The following ADAMTSL2 variants were observed in gnomAD, a reference collection of about 807,000 sequenced individuals.
The protein encoded by ADAMTSL2 is ADAMTS like 2.
A neutral mutation model predicts 117.0 loss-of-function variants in ADAMTSL2; 55 were observed. The observed-to-expected ratio is 0.47, with a 90% confidence interval of 0.38 to 0.59. The LOEUF is 0.59. ADAMTSL2 is among the 20% of genes least tolerant of loss of function. The pLI is 0.00. For missense variants in ADAMTSL2, 1,182 were observed against 1,354.5 expected, an observed-to-expected ratio of 0.87 and a Z score of 2.00; for synonymous variants, 572 against 566.4, an observed-to-expected ratio of 1.01 and a Z score of -0.14.
At chr9:133,545,846 C>G (rs748678740) in intron 8 of ADAMTSL2, among the ~76,000 whole-genome samples, 4 of 152,076 alleles carry the variant, frequency 2.6e-5, no homozygotes, top group Admixed American at 2.0e-4. Context: ...GAAACAGGGC[C>G]GAGACAACCA....
intron 1 of ADAMTSL2, 75 bp from the exon 2 acceptor site, chr9:133,536,488 A>G (rs1026174994): frequency 6.7e-7 from 1 of 1,483,488 alleles, no homozygotes; most frequent in African/African-American, 1.4e-5. Context: ...TGCCTGAAGC[A>G]GGCATTACTA....
rs376297294 is a variant in ADAMTSL2, at chr9:133,538,373, G to C, written c.258G>C (p.Gly86=). 76 of 1,613,238 alleles carry C rather than the reference G, an allele frequency of 4.7e-5. No individual in the cohort carries two copies. Among genetic ancestry groups the C allele is most frequent in the Middle Eastern group, 1.6e-4 (1 of 6,084 alleles). The change falls in exon 4 of 19, where the codon GGG becomes GGC. Residue 86 remains glycine (G), a synonymous_variant. Coordinates refer to ENST00000651351, the MANE Select transcript of ADAMTSL2 (RefSeq NM_014694.4). ...QQRRKSVPGP[G]NRTCTGTSKR... is the part of the protein sequence containing the mutation. ...GGAGGAAGTCCGTCCCGGGCCCCGG[G>C]AACAGGACCTGCACGGGCACGTCCA...
intron 1 of ADAMTSL2, among the ~76,000 whole-genome samples, chr9:133,535,914 C>T (rs1044104840): frequency 2.0e-5 from 3 of 152,140 alleles, no homozygotes; most frequent in Non-Finnish European, 4.4e-5. Flanking sequence ...TTGCTTTGAC[C>T]CCTGGCAGGT....
At chr9:133,569,876 T>C (rs1383497622) in intron 16 of ADAMTSL2, among the ~76,000 whole-genome samples, 1 of 152,200 alleles carries the variant, frequency 6.6e-6, no homozygotes, top group African/African-American at 2.4e-5. Flanking sequence ...AGGGGTTGTT[T>C]TGGCTGCCTG....
intron 13 of ADAMTSL2, among the ~76,000 whole-genome samples, chr9:133,567,341 C>T (rs959922265): frequency 3.5e-4 from 53 of 152,352 alleles, no homozygotes; most frequent in African/African-American, 1.1e-3. Context: ...TATATTACAG[C>T]GGTATCTTTG....
Position 133,537,564 on chromosome 9 carries a change from G to A in ADAMTSL2, c.233+17G>A, listed in dbSNP as rs750222233. 40 of 1,341,196 alleles carry A rather than the reference G, an allele frequency of 3.0e-5. No homozygotes were observed. Among genetic ancestry groups the A allele is most frequent in the Middle Eastern group, 4.2e-4 (2 of 4,768 alleles). The allele number at this position is 1,341,196 out of a possible 1,614,324, so 83.1% of individuals were successfully genotyped here. ...GCAGCAGAGGTGCGAGGTTGGGCAC[G>A]TGGCCCTGAGGGGATGGCATGAGGG... On this transcript the variant is annotated intron_variant, in intron 3 of 18. Coordinates refer to ENST00000651351, the MANE Select transcript of ADAMTSL2 (RefSeq NM_014694.4).
In ADAMTSL2 at chr9:133,574,858, C is replaced by A. The variant is rs1222369965; in HGVS notation, c.2850C>A (p.His950Gln). The change falls in exon 19 of 19, where the codon CAC (histidine) becomes CAA (glutamine). Residue 950 changes from histidine (H) to glutamine (Q), a missense_variant. Coordinates refer to ENST00000651351, the MANE Select transcript of ADAMTSL2 (RefSeq NM_014694.4). ...GCTGCCGCTCCTGCAGGCCCCCCCACTCCTAGGCCCGGCAGCTGCAGCCCC... is the reference window on the plus strand; with the variant it reads ...GCTGCCGCTCCTGCAGGCCCCCCCAATCCTAGGCCCGGCAGCTGCAGCCCC... ...KACCRSCRPP[H>Q]S is the part of the protein sequence containing the mutation. 1.9e-6 allele frequency: 3 copies of A among 1,580,560 alleles called. No homozygotes were observed. Among genetic ancestry groups the A allele is most frequent in the South Asian group, 2.2e-5 (2 of 90,844 alleles).
Position 133,554,272 on chromosome 9 carries a change from C to G in ADAMTSL2, c.940-85C>G. The G allele has an allele frequency of 7.8e-7, 1 of 1,274,174 alleles. No homozygotes were observed. The highest frequency in any genetic ancestry group is 1.4e-5 in the South Asian group (1 of 71,462). The allele number at this position is 1,274,174 out of a possible 1,614,324, so 78.9% of individuals were successfully genotyped here. ...ACTGCCAGTCACAGCAGGGAACGCA[C>G]CCTGCAGCTCTGTGGGAAGGGGATT... is the stretch of plus-strand genomic sequence containing the variant. On this transcript the variant is annotated intron_variant, in intron 9 of 18. Coordinates refer to ENST00000651351, the MANE Select transcript of ADAMTSL2 (RefSeq NM_014694.4). The surrounding 1 kb of genome is among the most constrained non-coding windows in gnomAD (Gnocchi z 5.2).
intron 13 of ADAMTSL2, 61 bp from the exon 14 acceptor site, chr9:133,568,212 G>A: frequency 2.6e-6 from 4 of 1,510,966 alleles, no homozygotes; most frequent in Non-Finnish European, 3.6e-6. Context: ...GGGGGTGTGG[G>A]TTGCATGGGG....
At chr9:133,572,683 G>A (rs1468701876) in intron 17 of ADAMTSL2, among the ~76,000 whole-genome samples, 1 of 152,198 alleles carries the variant, frequency 6.6e-6, no homozygotes, top group Non-Finnish European at 1.5e-5. Flanking sequence ...TGCTGGGGAG[G>A]AGCATCCCCC....
chr9:133,534,606 C>A (rs1432465039), upstream of ADAMTSL2: 1 of 1,263,672 alleles, frequency 7.9e-7, no homozygotes, highest in East Asian at 3.2e-5. Flanking sequence ...GTGCGCCAGG[C>A]CGGCCGGCGC....
chr9:133,555,624 C>A lies in ADAMTSL2; in HGVS notation c.1343C>A (p.Ala448Asp). Reference sequence around the variant, plus strand: ...GACGAAGAGGTTGACACCCACTTCGCCTCCCAGGAGTTCTTCTCGGCTAAC... The same window carrying A: ...GACGAAGAGGTTGACACCCACTTCGACTCCCAGGAGTTCTTCTCGGCTAAC... ...KDDEEVDTHF[A>D]SQEFFSANAI... The change falls in exon 11 of 19, where the codon GCC becomes GAC. Residue 448 changes from alanine (A) to aspartate (D), a missense_variant. Around this residue, in one of 3 missense-constraint regions of ADAMTSL2, gnomAD observed 345 missense variants for 325.8 expected, o/e 1.06. Coordinates refer to ENST00000651351, the MANE Select transcript of ADAMTSL2 (RefSeq NM_014694.4). 6.2e-7 allele frequency: 1 copy of A among 1,613,484 alleles called. No individual in the cohort carries two copies. The highest frequency in any genetic ancestry group is 8.5e-7 in the Non-Finnish European group (1 of 1,180,034).
intron 9 of ADAMTSL2, among the ~76,000 whole-genome samples, chr9:133,551,176 C>A (rs1005609237): frequency 6.6e-6 from 1 of 152,206 alleles, no homozygotes; most frequent in South Asian, 2.1e-4. Flanking sequence ...TTTTTCCAGG[C>A]CAGTCCTGGA....
At chr9:133,551,322 G>C (rs1227927739) in intron 9 of ADAMTSL2, among the ~76,000 whole-genome samples, 1 of 151,958 alleles carries the variant, frequency 6.6e-6, no homozygotes, top group Non-Finnish European at 1.5e-5. Flanking sequence ...CCATAGCTGC[G>C]AGCTGGAAAG....
chr9:133,539,663 C>CGGCTGTCCA, intron 4 of ADAMTSL2, 108 bp from the exon 5 acceptor site: 1 of 1,112,752 alleles, frequency 9.0e-7, no homozygotes, highest in African/African-American at 1.6e-5. Context: ...ACGGCTGTCC[C>CGGCTGTCCA]GGCTGTCCCG....
chr9:133,546,421 C>T (rs926108481), intron 8 of ADAMTSL2, among the ~76,000 whole-genome samples: 1 of 150,906 alleles, frequency 6.6e-6, no homozygotes, highest in African/African-American at 2.4e-5. Context: ...TTGGACCAGG[C>T]CGCCCTGGCC....
intron 4 of ADAMTSL2, 84 bp from the exon 5 acceptor site, chr9:133,539,687 C>CCCGGCTGT: frequency 3.0e-6 from 1 of 335,930 alleles, no homozygotes; most frequent in Non-Finnish European, 4.4e-6. Flanking sequence ...GTCCCGGCTG[C>CCCGGCTGT]AGCCACTTCC....
Position 133,554,707 on chromosome 9 carries a change from G to C in ADAMTSL2, c.1276+14G>C. ...AGGGCTTCCGAGGTAACCAGGAGGAGGGAGGCATGAGGGTGGGGCCCGGGA... is the reference window on the plus strand; with the variant it reads ...AGGGCTTCCGAGGTAACCAGGAGGACGGAGGCATGAGGGTGGGGCCCGGGA... On this transcript the variant is annotated intron_variant, in intron 10 of 18. Transcript: ENST00000651351. The surrounding 1 kb of genome is among the most constrained non-coding windows in gnomAD (Gnocchi z 5.2). 1 of 1,476,878 alleles carries C rather than the reference G, an allele frequency of 6.8e-7. No homozygotes were observed. The highest frequency in any genetic ancestry group is 9.0e-7 in the Non-Finnish European group (1 of 1,111,780). The allele number at this position is 1,476,878 out of a possible 1,614,324, so 91.5% of individuals were successfully genotyped here. A position where few individuals can be genotyped will look rare whatever the true frequency, so the allele number is the denominator to read the frequency against.
Position 133,539,822 on chromosome 9 carries a change from A to G in ADAMTSL2, c.361A>G (p.Asn121Asp). 1.9e-6 allele frequency: 3 copies of G among 1,551,056 alleles called. No individual in the cohort carries two copies. Among genetic ancestry groups the G allele is most frequent in the Non-Finnish European group, 2.6e-6 (3 of 1,146,980 alleles). The change falls in exon 5 of 19, where the codon AAC becomes GAC. Residue 121 changes from asparagine to aspartate, a missense_variant. Asn to Asp is a conservative substitution (Grantham distance 23). This residue lies in a region of ADAMTSL2 where 372 missense variants were observed against 463.4 expected (regional missense o/e 0.80). Coordinates refer to ENST00000651351, the MANE Select transcript of ADAMTSL2 (RefSeq NM_014694.4). The part of the protein sequence containing the change: ...SFREEQCVSF[N>D]SHVYNGRTHQ... ...CCGCGAGGAGCAGTGCGTCTCCTTC[A>G]ACTCCCACGTGTACAACGGGCGGAC...
Sources: allele counts gnomAD v4.1 joint callset (sites outside exome capture counted in the v4.1 genomes callset), GRCh38; gene constraint gnomAD v4.1.1; regional missense constraint gnomAD v4.1.1; non-coding constraint Gnocchi (gnomAD v3.1); transcripts MANE v1.5; gene names NCBI Gene and HGNC (gene_info 2026-07-23, HGNC 2026-07-21).